Variants in KIF12 observed in about 807,000 individuals in gnomAD.
KIF12 encodes kinesin-like protein KIF12.
Under a neutral mutation model 87.9 loss-of-function variants are expected in KIF12, and 80 were observed. The observed-to-expected ratio is 0.91, with a 90% CI of 0.76 to 1.10. KIF12 has a LOEUF of 1.10. Ranked by LOEUF, KIF12 falls within the 50% of genes least tolerant of loss-of-function variation. KIF12 has a pLI of 0.00. For missense variants in KIF12, 819 were observed against 865.3 expected (o/e 0.95, Z 0.67); for synonymous variants, 353 against 348.5 (o/e 1.01, Z -0.14).
At position 114,098,947 on chromosome 9, in the gene KIF12, G is replaced by C; in HGVS notation, c.159C>G (p.Thr53=). 6.5e-7 allele frequency: 1 copy of C among 1,548,888 alleles called. No homozygotes were observed. Among genetic ancestry groups the C allele is most frequent in the Non-Finnish European group, 8.7e-7 (1 of 1,145,982 alleles). The change falls in exon 3 of 19, where the codon ACC becomes ACG. Residue 53 remains threonine (T), a synonymous_variant. Coordinates refer to ENST00000640217, the MANE Select transcript of KIF12 (RefSeq NM_001388308.1). The part of the protein sequence containing the change: ...GQQSVLHCSG[T]RTLQVSPPGG... ...AGGGGTTCCTCACCTGCAGAGTCCG[G>C]GTCCCTGAGCAGTGCAGCACGCTCT...
chr9:114,093,377 C>T lies in KIF12; in HGVS notation c.1491+30G>A, dbSNP rs1486833221. 4.5e-6 allele frequency: 7 copies of T among 1,555,764 alleles called. No homozygotes were observed. In the South Asian group the frequency reaches 6.0e-5, roughly 13 times the overall value. ...GAGGCTCCATGACATCCCTACTTGT[C>T]ACCCCTCCAGGCTGGGCCGTGAGAC... On this transcript the variant is annotated intron_variant, in intron 15 of 18. Coordinates refer to ENST00000640217, the MANE Select transcript of KIF12 (RefSeq NM_001388308.1).
intron 8 of KIF12, 31 bp from the exon 9 acceptor site, chr9:114,096,238 G>A: frequency 6.2e-7 from 1 of 1,612,786 alleles, no homozygotes; most frequent in Non-Finnish European, 8.5e-7. Flanking sequence ...GGGGACTTGG[G>A]AGGGACCGTC....
At chr9:114,098,237 G>A (rs537164673) in intron 4 of KIF12, 47 bp from the exon 5 acceptor site, 2 of 808,376 alleles carry the variant, frequency 2.5e-6, no homozygotes, top group Non-Finnish European at 1.7e-6. Context: ...TACCCGGGGT[G>A]GGGGCTGGGG....
chr9:114,094,606 G>A (rs1847135693), intron 11 of KIF12, 151 bp from the exon 12 acceptor site: 3 of 611,746 alleles, frequency 4.9e-6, no homozygotes, highest in South Asian at 3.9e-5. Flanking sequence ...GTATCTGCCT[G>A]GAAGGGGCAC....
chr9:114,091,639 T>G lies in KIF12; in HGVS notation c.*222A>C. The G allele has an allele frequency of 2.0e-6, 1 of 496,178 alleles. No individual in the cohort carries two copies. The highest frequency in any genetic ancestry group is 3.5e-6 in the Non-Finnish European group (1 of 284,140). 30.7% of individuals were successfully genotyped at this position (496,178 alleles called of 1,614,324 possible). A position where few individuals can be genotyped will look rare whatever the true frequency, so the allele number is the denominator to read the frequency against. ...CCCAGAGGATAGAACCAACCAGACT[T>G]GGAGCTGATGCCTCTCTTTATTCAT... On this transcript the variant is annotated 3_prime_UTR_variant, in exon 19 of 19. Transcript: ENST00000640217.
intron 7 of KIF12, 31 bp from the exon 8 acceptor site, chr9:114,096,509 T>TGTTCTTCCTACCA: frequency 3.2e-6 from 5 of 1,546,388 alleles, no homozygotes; most frequent in Non-Finnish European, 4.4e-6. Flanking sequence ...GAGCTGGACC[T>TGTTCTTCCTACCA]GGTAGGAAGA....
intron 7 of KIF12, 46 bp from the exon 8 acceptor site, chr9:114,096,524 G>T: frequency 6.8e-7 from 1 of 1,471,066 alleles, no homozygotes; most frequent in Non-Finnish European, 9.4e-7. Context: ...GGAAGAACAG[G>T]TCATCATCAA....
At chr9:114,096,867 A>C (rs1847253133) in intron 7 of KIF12, among the ~76,000 whole-genome samples, 1 of 152,216 alleles carries the variant, frequency 6.6e-6, no homozygotes, top group Admixed American at 6.5e-5. Flanking sequence ...GATTTAAAAA[A>C]AAGAATGAGG....
Position 114,099,091 on chromosome 9 carries a change from A to C in KIF12, c.92+13T>G. The C allele has an allele frequency of 6.5e-7, 1 of 1,550,338 alleles. No homozygotes were observed. The highest frequency in any genetic ancestry group is 8.7e-7 in the Non-Finnish European group (1 of 1,146,902). On this transcript the variant is annotated intron_variant, in intron 2 of 18. Coordinates refer to ENST00000640217, the MANE Select transcript of KIF12 (RefSeq NM_001388308.1). ...TGTCTCGCCCAGGTGCCTCCTAGCCAATTTATACCCACCTGAGCACCACCT... is the reference window on the plus strand; with the variant it reads ...TGTCTCGCCCAGGTGCCTCCTAGCCCATTTATACCCACCTGAGCACCACCT...
At position 114,091,859 on chromosome 9, in the gene KIF12, C is replaced by G. The variant is rs765124428; in HGVS notation, c.*2G>C. ...GCAGTCTCCTGGGTTCCCACTTGGC[C>G]TTCAATGGGGAGGGAGGACTTGGCC... On this transcript the variant is annotated 3_prime_UTR_variant, in exon 19 of 19. Transcript: ENST00000640217. The G allele has an allele frequency of 6.3e-7, 1 of 1,595,748 alleles. No homozygotes were observed. The highest frequency in any genetic ancestry group is 8.6e-7 in the Non-Finnish European group (1 of 1,167,078).
chr9:114,097,814 C>G, intron 5 of KIF12, 73 bp from the exon 6 acceptor site: 3 of 1,499,978 alleles, frequency 2.0e-6, no homozygotes, highest in East Asian at 2.4e-5. Flanking sequence ...TGTATGATAC[C>G]GTGCGCCGGG....
At chr9:114,093,137 C>T in intron 16 of KIF12, 92 bp downstream of exon 16, 1 of 1,267,008 alleles carries the variant, frequency 7.9e-7, no homozygotes, top group Non-Finnish European at 1.1e-6. Context: ...AGCCTGCAGC[C>T]CTGGAATCCC....
At chr9:114,097,873 C>T in intron 5 of KIF12, 132 bp from the exon 6 acceptor site, 1 of 1,117,920 alleles carries the variant, frequency 8.9e-7, no homozygotes, top group Non-Finnish European at 1.3e-6. Flanking sequence ...ATAGTCGGTA[C>T]TGTCACTTCC....
chr9:114,097,165 T>C, intron 7 of KIF12, 136 bp downstream of exon 7: 1 of 1,181,550 alleles, frequency 8.5e-7, no homozygotes, highest in Non-Finnish European at 1.2e-6. Context: ...TGAATTGTGG[T>C]TTACTGGTCC....
Position 114,098,989 on chromosome 9 carries a change from C to A in KIF12, c.117G>T (p.Glu39Asp). ...VLRVRPMSAA[E>D]LRRGQQSVLH... ...GCACGCTCTGCTGCCCTCGACGCAG[C>A]TCGGCCGCGCTCATGGGACGTACCC... is the stretch of plus-strand genomic sequence containing the variant. Residue 39 changes from glutamate to aspartate, a missense_variant, in exon 3 of 19, where the codon GAG becomes GAT. By Grantham distance (45) the Glu-to-Asp change is conservative (BLOSUM62 2). Transcript: ENST00000640217. 2.6e-6 allele frequency: 4 copies of A among 1,550,284 alleles called. No homozygotes were observed. Among genetic ancestry groups the A allele is most frequent in the Non-Finnish European group, 3.5e-6 (4 of 1,146,824 alleles).
intron 7 of KIF12, among the ~76,000 whole-genome samples, chr9:114,097,012 G>A (rs895146623): frequency 6.6e-6 from 1 of 152,214 alleles, no homozygotes; most frequent in African/African-American, 2.4e-5. Context: ...AGAGCCTTGA[G>A]GTGCAGAGAC....
intron 17 of KIF12, 37 bp from the exon 18 acceptor site, chr9:114,092,488 T>C: frequency 6.2e-7 from 1 of 1,613,430 alleles, no homozygotes; most frequent in Non-Finnish European, 8.5e-7. Flanking sequence ...GAGGTGAGCC[T>C]TTGAGTTCCC....
Position 114,094,452 on chromosome 9 carries a change from G to T in KIF12, c.1123C>A (p.Pro375Thr), listed in dbSNP as rs371123919. ...AAACGCTGGGGCTGCTTTGCCACAG[G>T]AGACTGTAGGGAAAGAGGCCCAGAG... ...VTTRPQAPKS[P>T]VAKQPQRLET... Residue 375 changes from proline (P) to threonine (T), a missense_variant, in exon 12 of 19, where the codon CCT (proline) becomes ACT (threonine). Physicochemically the swap from Pro to Thr is conservative, Grantham distance 38. Coordinates refer to ENST00000640217, the MANE Select transcript of KIF12 (RefSeq NM_001388308.1). 1.6e-5 allele frequency: 26 copies of T among 1,605,708 alleles called. No individual in the cohort carries two copies. Among genetic ancestry groups the T allele is most frequent in the Non-Finnish European group, 2.2e-5 (26 of 1,173,134 alleles).
At chr9:114,092,235 C>A in intron 18 of KIF12, 98 bp downstream of exon 18, 3 of 1,484,274 alleles carry the variant, frequency 2.0e-6, no homozygotes, top group Non-Finnish European at 2.7e-6. Context: ...TCTCAACACC[C>A]ACCCCATTTC....
Sources: gnomAD v4.1 joint callset for allele counts (sites outside exome capture counted in the v4.1 genomes callset) on GRCh38, gnomAD v4.1.1 for gene constraint, MANE v1.5 for transcripts, NCBI Gene and HGNC (gene_info 2026-07-23, HGNC 2026-07-21) for gene names.